The following RABGAP1 variants were observed in gnomAD, a reference collection of about 807,000 sequenced individuals.
The protein encoded by RABGAP1 is rab GTPase-activating protein 1.
RABGAP1 carries 23 observed loss-of-function variants against 137.6 expected under a neutral mutation model. The ratio of observed to expected loss-of-function variants is 0.17; its 90% confidence interval spans 0.12 to 0.24. The LOEUF is 0.24. Among genes scored for constraint, RABGAP1 ranks in the 10% least tolerant of loss-of-function variants. The probability of loss-of-function intolerance (pLI) is 1.00; values close to 1 mark genes in which losing one functional copy is unlikely to be tolerated. For synonymous variants in RABGAP1, 451 were observed against 450.7 expected (o/e 1.00, Z -0.01); for missense variants, 906 against 1,275.8 (o/e 0.71, Z 4.42).
At chr9:122,959,645 T>A (rs544987002) in intron 2 of RABGAP1, among the ~76,000 whole-genome samples, 42 of 152,346 alleles carry the variant, frequency 2.8e-4, no homozygotes, top group African/African-American at 7.2e-4. Flanking sequence ...ACCTGCCCTT[T>A]CCTTACCCTA....
intron 2 of RABGAP1, among the ~76,000 whole-genome samples, chr9:122,964,193 G>A (rs60358535): frequency 1.3e-5 from 2 of 152,218 alleles, no homozygotes; most frequent in South Asian, 4.2e-4. Context: ...TAGAAAAGTA[G>A]GGAATACTTC....
At chr9:123,003,083 A>T (rs1205457686) in intron 10 of RABGAP1, among the ~76,000 whole-genome samples, 2 of 152,194 alleles carry the variant, frequency 1.3e-5, no homozygotes, top group Non-Finnish European at 2.9e-5. Flanking sequence ...CGCTGTCTTA[A>T]AGCATTTAGA....
chr9:123,041,706 G>A (rs1385627620), intron 13 of RABGAP1, among the ~76,000 whole-genome samples: 5 of 152,176 alleles, frequency 3.3e-5, no homozygotes, highest in Non-Finnish European at 7.3e-5. Context: ...CTGACTCAGC[G>A]GAATCAACAG....
intron 14 of RABGAP1, 151 bp downstream of exon 14, chr9:123,065,612 AATTTTAG>A: frequency 3.1e-6 from 2 of 652,356 alleles, no homozygotes; most frequent in Non-Finnish European, 5.5e-6. Context: ...GTGAGAACAC[AATTTTAG>A]ATTCATTAAA....
At chr9:123,031,288 T>C (rs2032282183) in intron 13 of RABGAP1, among the ~76,000 whole-genome samples, 1 of 152,172 alleles carries the variant, frequency 6.6e-6, no homozygotes, top group Non-Finnish European at 1.5e-5. Context: ...CTCTCAAAAA[T>C]CACTCCTTTA....
At chr9:123,089,516 C>T in intron 19 of RABGAP1, 1 of 439,846 alleles carries the variant, frequency 2.3e-6, no homozygotes, top group East Asian at 3.4e-5. Flanking sequence ...GGTGTTCATT[C>T]TAATACTGTC....
Position 123,090,348 on chromosome 9 carries a change from T to C in RABGAP1, c.2591T>C (p.Val864Ala). The C allele has an allele frequency of 6.2e-7, 1 of 1,613,422 alleles. No individual in the cohort carries two copies. The change falls in exon 21 of 26, where the codon GTG (valine) becomes GCG (alanine). Residue 864 changes from valine (V) to alanine (A), a missense_variant. Val to Ala is a moderately conservative substitution (Grantham distance 64). Transcript: ENST00000373647. ...AACGATGACTTAGCCCATGAGCTGG[T>C]GACCAGCAAGATTGCACTACGGAAG... ...QENDDLAHEL[V>A]TSKIALRKDL...
At chr9:122,942,452 A>G (rs562543482) in intron 1 of RABGAP1, among the ~76,000 whole-genome samples, 10 of 152,136 alleles carry the variant, frequency 6.6e-5, no homozygotes, top group Non-Finnish European at 1.5e-4. Context: ...CGGGTGGATC[A>G]CAAGGTCAGG....
In RABGAP1 at chr9:123,074,389, C is replaced by A; in HGVS notation, c.2214C>A (p.Leu738=). The change falls in exon 17 of 26, where the codon CTC becomes CTA. Residue 738 remains leucine (L), a synonymous_variant. Transcript: ENST00000373647. ...CTCTTTTCACTGCAAAATTCCCTCT[C>A]TACATGGTCTTCCATATCATCGACC... ...FLTLFTAKFP[L]YMVFHIIDLL... 1.2e-6 allele frequency: 2 copies of A among 1,613,406 alleles called. No individual in the cohort carries two copies. The highest frequency in any genetic ancestry group is 1.7e-6 in the Non-Finnish European group (2 of 1,179,394).
chr9:122,964,129 A>C (rs1249085887), intron 2 of RABGAP1, among the ~76,000 whole-genome samples: 1 of 152,182 alleles, frequency 6.6e-6, no homozygotes, highest in Non-Finnish European at 1.5e-5. Context: ...GTTGAATTCT[A>C]CCAGATACTT....
Position 123,104,406 on chromosome 9 carries a change from T to G in RABGAP1, c.*1193T>G, listed in dbSNP as rs2035440099. On this transcript the variant is annotated 3_prime_UTR_variant, in exon 26 of 26. Transcript: ENST00000373647. Reference sequence around the variant, plus strand: ...CTCACTTCAAAGCTATGGAATGGATTTTAGCACCTTTAAAAAAAAAAAAAA... The same window carrying G: ...CTCACTTCAAAGCTATGGAATGGATGTTAGCACCTTTAAAAAAAAAAAAAA... The G allele has an allele frequency of 1.1e-5, 1 of 89,698 alleles. No individual in the cohort carries two copies. The highest frequency in any genetic ancestry group is 2.2e-5 in the Non-Finnish European group (1 of 44,898). The allele number at this position is 89,698 out of a possible 1,614,324, so 5.6% of individuals were successfully genotyped here.
chr9:123,044,995 C>T (rs1045231532), intron 13 of RABGAP1, among the ~76,000 whole-genome samples: 2 of 152,164 alleles, frequency 1.3e-5, no homozygotes, highest in Middle Eastern at 3.2e-3. Flanking sequence ...TGAGAAAGCC[C>T]TTTGCAAATT....
intron 25 of RABGAP1, 96 bp from the exon 26 acceptor site, chr9:123,102,995 A>G (rs2035387130): frequency 6.8e-7 from 1 of 1,462,654 alleles, no homozygotes. Context: ...GCCTCTCCAG[A>G]GTAAATAGAC....
intron 13 of RABGAP1, among the ~76,000 whole-genome samples, chr9:123,047,039 A>G (rs1352571244): frequency 6.6e-6 from 1 of 152,210 alleles, no homozygotes; most frequent in Non-Finnish European, 1.5e-5. Context: ...GAATAAGTCC[A>G]AAGGGTTATT....
chr9:122,939,950 GAATA>G (rs1464596965), upstream of RABGAP1: 4 of 152,152 alleles, frequency 2.6e-5, no homozygotes, highest in African/African-American at 9.7e-5. Flanking sequence ...ATGCCAGTTG[GAATA>G]AATAAAGGGG....
intron 2 of RABGAP1, among the ~76,000 whole-genome samples, chr9:122,980,822 A>T (rs1456874996): frequency 6.6e-6 from 1 of 152,182 alleles, no homozygotes; most frequent in African/African-American, 2.4e-5. Flanking sequence ...ATGGGGTGCA[A>T]AATGTAGATT....
intron 11 of RABGAP1, among the ~76,000 whole-genome samples, chr9:123,013,826 A>T (rs2031010583): frequency 6.6e-6 from 1 of 152,176 alleles, no homozygotes; most frequent in Non-Finnish European, 1.5e-5. Context: ...TCTGTTGGAG[A>T]TGCAGATTCA....
At chr9:123,098,687 A>T (rs770259709) in intron 22 of RABGAP1, 28 bp from the exon 23 acceptor site, 1 of 1,594,622 alleles carries the variant, frequency 6.3e-7, no homozygotes, top group Non-Finnish European at 8.6e-7. Flanking sequence ...CTGTTAACAT[A>T]GTCCCTTTTG....
chr9:123,071,176 C>G (rs560788919), intron 15 of RABGAP1, among the ~76,000 whole-genome samples: 1 of 152,290 alleles, frequency 6.6e-6, no homozygotes, highest in South Asian at 2.1e-4. Flanking sequence ...ATGTCTGATA[C>G]ACAATACACA....
Sources: allele counts gnomAD v4.1 joint callset (sites outside exome capture counted in the v4.1 genomes callset), GRCh38; gene constraint gnomAD v4.1.1; transcripts MANE v1.5; gene names NCBI Gene and HGNC (gene_info 2026-07-23, HGNC 2026-07-21).